The following MAST4 variants were observed in gnomAD, a reference collection of about 807,000 sequenced individuals.
MAST4 encodes microtubule associated serine/threonine kinase family member 4, also known as microtubule-associated serine/threonine-protein kinase 4.
In MAST4, 89 loss-of-function variants were observed where a neutral mutation model predicts 162.7. That is an observed-to-expected ratio of 0.55 (90% CI 0.46 to 0.65). MAST4 has a LOEUF of 0.65. Among genes scored for constraint, MAST4 ranks in the 30% least tolerant of loss-of-function variants. The pLI is 0.00. For synonymous variants in MAST4, 1,479 were observed against 1,361.1 expected, an observed-to-expected ratio of 1.09 and a Z score of -1.91; for missense variants, 3,153 against 3,374.0, an observed-to-expected ratio of 0.93 and a Z score of 1.62.
intron 1 of MAST4, among the ~76,000 whole-genome samples, chr5:66,602,018 T>C (rs1742587304): frequency 6.6e-6 from 1 of 152,070 alleles, no homozygotes; most frequent in South Asian, 2.1e-4. Context: ...TACATACATA[T>C]GAATACATAT....
intron 2 of MAST4, among the ~76,000 whole-genome samples, chr5:66,771,186 C>CT (rs536857710): frequency 0.025 from 3,681 of 145,418 alleles, 97 homozygotes; most frequent in African/African-American, 0.067. Context: ...TCTTTTCTTT[C>CT]TTTTTTTTTT....
At chr5:67,152,083 A>G (rs904767933) in intron 24 of MAST4, among the ~76,000 whole-genome samples, 1 of 152,236 alleles carries the variant, frequency 6.6e-6, no homozygotes, top group Admixed American at 6.5e-5. Flanking sequence ...AAAATTCTTT[A>G]ATCAGTATTC....
Position 66,681,531 on chromosome 5 carries a change from GT to G in MAST4, c.364-78177del, listed in dbSNP as rs543124186. Among the ~76,000 whole-genome samples the G allele has an allele frequency of 2.1e-3, 314 of 152,308 alleles. 1 individual carries two copies. Among genetic ancestry groups the G allele is most frequent in the African/African-American group, 7.2e-3 (299 of 41,580 alleles). On this transcript the variant is annotated intron_variant, in intron 1 of 28. Coordinates refer to ENST00000403625, the MANE Select transcript of MAST4 (RefSeq NM_001164664.2). ...CCTGCATTTGAAACAGACTTCCCAG[GT>G]CCCTGTCACCACACTGGTGTTTGAA...
At chr5:67,080,078 A>C (rs1762424997) in intron 5 of MAST4, among the ~76,000 whole-genome samples, 1 of 152,234 alleles carries the variant, frequency 6.6e-6, no homozygotes, top group Non-Finnish European at 1.5e-5. Flanking sequence ...GAGTATTCTC[A>C]GAATACGAAG....
chr5:66,768,872 CAGT>C (rs1205449484), intron 2 of MAST4, among the ~76,000 whole-genome samples: 2 of 151,610 alleles, frequency 1.3e-5, no homozygotes, highest in Non-Finnish European at 2.9e-5. Context: ...AAAATTATAT[CAGT>C]AATATTAATA....
At chr5:66,603,020 C>G (rs1212591512) in intron 1 of MAST4, among the ~76,000 whole-genome samples, 1 of 152,080 alleles carries the variant, frequency 6.6e-6, no homozygotes, top group Non-Finnish European at 1.5e-5. Flanking sequence ...GCTACTATTA[C>G]CGAGTGTGGA....
At chr5:66,766,501 A>G (rs546474428) in intron 2 of MAST4, among the ~76,000 whole-genome samples, 20 of 152,036 alleles carry the variant, frequency 1.3e-4, no homozygotes, top group Non-Finnish European at 1.8e-4. Flanking sequence ...AAAATTTTTA[A>G]AACGGCATTT....
chr5:66,736,150 C>T (rs1241431292), intron 1 of MAST4, among the ~76,000 whole-genome samples: 3 of 152,152 alleles, frequency 2.0e-5, no homozygotes, highest in African/African-American at 7.2e-5. Context: ...ACCATTGATC[C>T]TTCCTTTCCA....
chr5:66,964,960 C>A (rs1390361369), intron 4 of MAST4, among the ~76,000 whole-genome samples: 1 of 152,274 alleles, frequency 6.6e-6, no homozygotes. Flanking sequence ...AACTTACAAG[C>A]TTTAGATGAT....
intron 4 of MAST4, among the ~76,000 whole-genome samples, chr5:66,950,540 T>A (rs1744557228): frequency 6.6e-6 from 1 of 152,136 alleles, no homozygotes; most frequent in Admixed American, 6.5e-5. Flanking sequence ...ATAACAATAT[T>A]TGTCCTTTTG....
At position 67,166,646 on chromosome 5, in the gene MAST4, G is replaced by A. The variant is rs779341421; in HGVS notation, c.7467G>A (p.Gly2489=). The change falls in exon 29 of 29, where the codon GGG becomes GGA. Residue 2489 remains glycine (G), a synonymous_variant. Coordinates refer to ENST00000403625, the MANE Select transcript of MAST4 (RefSeq NM_001164664.2). ...ACACCTCTTCTGCCAAGGCCGCCGG[G>A]GGCATGCTGGAGCTTCCAGCCCCCA... ...SSDTSSAKAA[G]GMLELPAPSN... 7 of 1,599,756 alleles carry A rather than the reference G, an allele frequency of 4.4e-6. No homozygotes were observed. Among genetic ancestry groups the A allele is most frequent in the South Asian group, 1.1e-5 (1 of 88,576 alleles).
At chr5:66,833,490 G>C (rs746494558) in intron 3 of MAST4, among the ~76,000 whole-genome samples, 3 of 152,064 alleles carry the variant, frequency 2.0e-5, no homozygotes, top group Non-Finnish European at 2.9e-5. Flanking sequence ...TCCAGGGTAG[G>C]CTAAAAATGC....
rs185344250 is a variant in MAST4 at position 66,629,078 on chromosome 5, T to C, written c.363+32060T>C. Reference sequence around the variant, plus strand: ...TTGTCCACTTCATGATATTGTCATCTTCATGTGCTTTGAAAGTTGAGTGGG... The same window carrying C: ...TTGTCCACTTCATGATATTGTCATCCTCATGTGCTTTGAAAGTTGAGTGGG... On this transcript the variant is annotated intron_variant, in intron 1 of 28. Transcript: ENST00000403625. Among the ~76,000 whole-genome samples, 479 of 152,352 alleles carry C rather than the reference T, an allele frequency of 3.1e-3. 6 individuals are homozygous for C. The highest frequency in any genetic ancestry group is 0.026 in the Admixed American group (400 of 15,304).
chr5:66,646,328 C>T (rs1309241278), intron 1 of MAST4, among the ~76,000 whole-genome samples: 1 of 152,114 alleles, frequency 6.6e-6, no homozygotes, highest in Admixed American at 6.6e-5. Context: ...GATAGGCAGA[C>T]ATCAGAAATT....
intron 16 of MAST4, among the ~76,000 whole-genome samples, chr5:67,132,749 A>G (rs910258133): frequency 2.0e-5 from 3 of 152,078 alleles, no homozygotes. Flanking sequence ...AAAGACTTTA[A>G]GTATGCTGAA....
intron 4 of MAST4, chr5:66,959,043 A>T (rs1745660826): frequency 3.4e-6 from 2 of 580,830 alleles, no homozygotes; most frequent in Non-Finnish European, 6.2e-6. Context: ...TGCAGTGTGC[A>T]CTGCCGTTAA....
At chr5:66,862,280 T>C (rs1332422554) in intron 3 of MAST4, among the ~76,000 whole-genome samples, 2 of 152,158 alleles carry the variant, frequency 1.3e-5, no homozygotes, top group East Asian at 1.9e-4. Context: ...CAGTGGAAAA[T>C]TGGTTCTCTT....
chr5:67,060,737 A>G (rs1247797017), intron 5 of MAST4, among the ~76,000 whole-genome samples: 1 of 152,104 alleles, frequency 6.6e-6, no homozygotes, highest in Non-Finnish European at 1.5e-5. Flanking sequence ...TCGGCCTCCC[A>G]AAGTAGGGAG....
intron 5 of MAST4, among the ~76,000 whole-genome samples, chr5:67,060,979 AATCTTC>A (rs1300725049): frequency 6.6e-6 from 1 of 152,236 alleles, no homozygotes; most frequent in Non-Finnish European, 1.5e-5. Flanking sequence ...CCATGACTCT[AATCTTC>A]AAGGCTTGTT....
Sources: gnomAD v4.1 joint callset for allele counts (sites outside exome capture counted in the v4.1 genomes callset) on GRCh38, gnomAD v4.1.1 for gene constraint, MANE v1.5 for transcripts, NCBI Gene and HGNC (gene_info 2026-07-23, HGNC 2026-07-21) for gene names.